Variants in GLIS3 observed in about 807,000 individuals in gnomAD.
GLIS3 encodes GLIS family zinc finger 3.
GLIS3 carries 53 observed loss-of-function variants against 78.6 expected under a neutral mutation model. That is an observed-to-expected ratio of 0.67 (90% CI 0.54 to 0.85). The LOEUF (loss-of-function observed/expected upper bound fraction) is 0.85, where lower values mean the gene tolerates loss of function less well. Ranked by LOEUF, GLIS3 falls within the 40% of genes least tolerant of loss-of-function variation. GLIS3 has a pLI of 0.00. For missense variants in GLIS3, 1,703 were observed against 1,231.1 expected (o/e 1.38, Z -5.74); for synonymous variants, 684 against 509.9 (o/e 1.34, Z -4.60).
intron 2 of GLIS3, among the ~76,000 whole-genome samples, chr9:4,265,187 A>AAG (rs1825880145): frequency 1.1e-5 from 1 of 94,164 alleles, no homozygotes; most frequent in Non-Finnish European, 2.4e-5. Flanking sequence ...AAAAAAAAAA[A>AAG]AAGAAATAAC....
the GLIS3 span, among the ~76,000 whole-genome samples, chr9:4,371,461 A>C: frequency 3.7e-3 from 556 of 152,288 alleles, 5 homozygotes; most frequent in African/African-American, 0.013. Flanking sequence ...GTTGCTCTGC[A>C]AACTCCTTTA....
chr9:4,390,806 C>T, the GLIS3 span, among the ~76,000 whole-genome samples: 88 of 152,228 alleles, frequency 5.8e-4, no homozygotes, highest in African/African-American at 1.9e-3. Flanking sequence ...CCTTGGACTC[C>T]GCTGGGACAG....
chr9:4,312,012 C>G (rs1288379409), intron 2 of GLIS3, among the ~76,000 whole-genome samples: 2 of 152,098 alleles, frequency 1.3e-5, no homozygotes, highest in African/African-American at 2.4e-5. Context: ...GGAAGAGGAG[C>G]AGAGAAAAAT....
At chr9:3,956,057 A>G (rs1265985331) in intron 4 of GLIS3, among the ~76,000 whole-genome samples, 1 of 151,846 alleles carries the variant, frequency 6.6e-6, no homozygotes, top group African/African-American at 2.4e-5. Flanking sequence ...AAGAAAGAAA[A>G]AAAGAAAAGA....
the GLIS3 span, among the ~76,000 whole-genome samples, chr9:4,375,305 T>C: frequency 6.6e-6 from 1 of 152,160 alleles, no homozygotes. Context: ...AAAGTTCTCG[T>C]GGAACAAACA....
chr9:4,091,964 T>C (rs866967251), intron 4 of GLIS3, among the ~76,000 whole-genome samples: 24 of 152,192 alleles, frequency 1.6e-4, no homozygotes, highest in Middle Eastern at 6.8e-3. Flanking sequence ...TATAGAGCAC[T>C]TACTAGGAAT....
intron 2 of GLIS3, among the ~76,000 whole-genome samples, chr9:4,224,798 TCATTTACTGA>T (rs1345871939): frequency 6.6e-6 from 1 of 151,976 alleles, no homozygotes; most frequent in Non-Finnish European, 1.5e-5. Flanking sequence ...CAAGCTATTT[TCATTTACTGA>T]CATCAATGTT....
At chr9:4,231,241 GA>G (rs1385538640) in intron 2 of GLIS3, among the ~76,000 whole-genome samples, 1 of 152,120 alleles carries the variant, frequency 6.6e-6, no homozygotes, top group Non-Finnish European at 1.5e-5. Flanking sequence ...AACTGAACTA[GA>G]AAAACTCAAT....
At chr9:4,050,059 A>C (rs1050969713) in intron 4 of GLIS3, among the ~76,000 whole-genome samples, 1 of 152,166 alleles carries the variant, frequency 6.6e-6, no homozygotes, top group Non-Finnish European at 1.5e-5. Flanking sequence ...AGGGATCTAG[A>C]ACTAGAAATA....
the GLIS3 span, among the ~76,000 whole-genome samples, chr9:4,441,894 C>T: frequency 6.6e-6 from 1 of 152,170 alleles, no homozygotes. Flanking sequence ...CGTGAGCCAC[C>T]CACCGCACCT....
chr9:4,092,991 G>A (rs752547913), intron 4 of GLIS3, among the ~76,000 whole-genome samples: 4 of 152,180 alleles, frequency 2.6e-5, no homozygotes, highest in Non-Finnish European at 4.4e-5. Context: ...TAGCAATGAC[G>A]TCAGTAGGTG....
chr9:4,166,377 C>G (rs1018283589), intron 2 of GLIS3, among the ~76,000 whole-genome samples: 3 of 152,068 alleles, frequency 2.0e-5, no homozygotes, highest in Admixed American at 6.5e-5. Flanking sequence ...CCAGTAAGGA[C>G]AAGAAAAACC....
At chr9:4,041,252 G>A (rs1316845084) in intron 4 of GLIS3, among the ~76,000 whole-genome samples, 4 of 152,162 alleles carry the variant, frequency 2.6e-5, no homozygotes, top group Admixed American at 6.5e-5. Flanking sequence ...CAAGGGGGTG[G>A]GAGTGGAAGT....
chr9:3,966,427 A>C (rs77263240), intron 4 of GLIS3, among the ~76,000 whole-genome samples: 5,243 of 151,828 alleles, frequency 0.035, 300 homozygotes, highest in African/African-American at 0.12. Flanking sequence ...GACTTCAATG[A>C]TGCAAAGCCT....
the GLIS3 span, among the ~76,000 whole-genome samples, chr9:4,481,881 A>G: frequency 5.3e-5 from 8 of 152,262 alleles, 1 homozygote; most frequent in Admixed American, 4.6e-4. Context: ...AGGGTGTGAC[A>G]CTACCCATTT....
intron 2 of GLIS3, among the ~76,000 whole-genome samples, chr9:4,194,593 C>A (rs1273586244): frequency 6.6e-6 from 1 of 152,152 alleles, no homozygotes; most frequent in Non-Finnish European, 1.5e-5. Context: ...AGCTTTAATT[C>A]AAGAAAGCAA....
At chr9:4,365,493 T>G in the GLIS3 span, among the ~76,000 whole-genome samples, 1 of 151,554 alleles carries the variant, frequency 6.6e-6, no homozygotes, top group African/African-American at 2.4e-5. Context: ...GAGGTGGAGG[T>G]TGCAGTCAGC....
chr9:3,879,752 T>G, intron 7 of GLIS3, among the ~76,000 whole-genome samples, 157 bp from the exon 8 acceptor site: 1 of 152,154 alleles, frequency 6.6e-6, no homozygotes, highest in Admixed American at 6.5e-5. Flanking sequence ...TACACACAGC[T>G]TTTATTTTCA....
Position 4,118,509 on chromosome 9 carries a change from C to G in GLIS3, c.969G>C (p.Ser323=), listed in dbSNP as rs201431173. 1 of 1,614,054 alleles carries G rather than the reference C, an allele frequency of 6.2e-7. No individual in the cohort carries two copies. Among genetic ancestry groups the G allele is most frequent in the Non-Finnish European group, 8.5e-7 (1 of 1,180,042 alleles). ...GIDFNTIIRT[S]PTSLVAYING... The stretch of plus-strand genomic sequence containing the variant: ...TGATGTAGGCCACCAAGGACGTGGG[C>G]GACGTGCGGATGATGGTATTGAAAT... Residue 323 remains serine (S), a synonymous_variant, in exon 4 of 11, where the codon TCG becomes TCC. Transcript: ENST00000381971. The surrounding 1 kb of genome is among the most constrained non-coding windows in gnomAD (Gnocchi z 4.7).
Sources: gnomAD v4.1 joint callset for allele counts (sites outside exome capture counted in the v4.1 genomes callset) on GRCh38, gnomAD v4.1.1 for gene constraint, Gnocchi (gnomAD v3.1) non-coding constraint, MANE v1.5 for transcripts, NCBI Gene and HGNC (gene_info 2026-07-23, HGNC 2026-07-21) for gene names.